The following XIRP2 variants were observed in gnomAD, a reference collection of about 807,000 sequenced individuals.
XIRP2 encodes the protein xin actin-binding repeat-containing protein 2.
A neutral mutation model predicts 277.0 loss-of-function variants in XIRP2; 236 were observed. The ratio of observed to expected loss-of-function variants is 0.85; its 90% confidence interval spans 0.77 to 0.95. The LOEUF (loss-of-function observed/expected upper bound fraction) is 0.95. XIRP2 is among the 40% of genes least tolerant of loss of function. XIRP2 has a pLI of 0.00. For synonymous variants in XIRP2, 1,490 were observed against 1,416.5 expected (o/e 1.05, Z -1.17); for missense variants, 4,640 against 4,157.5 (o/e 1.12, Z -3.19).
At chr2:167,020,094 C>T (rs1194807583) in intron 2 of XIRP2, among the ~76,000 whole-genome samples, 1 of 151,948 alleles carries the variant, frequency 6.6e-6, no homozygotes, top group South Asian at 2.1e-4. Flanking sequence ...TTGTTTCAAT[C>T]TAAATTAGAA....
chr2:166,962,963 A>C (rs538547834), intron 2 of XIRP2, among the ~76,000 whole-genome samples: 1 of 151,780 alleles, frequency 6.6e-6, no homozygotes, highest in Admixed American at 6.6e-5. Flanking sequence ...TGGGATGACT[A>C]TGGTTAACAA....
intron 3 of XIRP2, among the ~76,000 whole-genome samples, chr2:167,163,923 G>T (rs1176163078): frequency 1.3e-5 from 2 of 152,146 alleles, no homozygotes; most frequent in Non-Finnish European, 2.9e-5. Flanking sequence ...TTAAAGAATT[G>T]CTTTGGTGCT....
intron 2 of XIRP2, among the ~76,000 whole-genome samples, chr2:167,106,571 A>G (rs1690625149): frequency 6.6e-6 from 1 of 151,734 alleles, no homozygotes; most frequent in African/African-American, 2.4e-5. Context: ...TGCAGTCTTG[A>G]TTACTATAGC....
intron 2 of XIRP2, among the ~76,000 whole-genome samples, chr2:167,037,513 T>TG (rs201439550): frequency 1.9e-3 from 257 of 136,690 alleles, no homozygotes; most frequent in Middle Eastern, 7.5e-3. Context: ...TTTTTTCATG[T>TG]GGGGGGTGTG....
At chr2:166,931,720 T>C (rs953139220) in intron 2 of XIRP2, among the ~76,000 whole-genome samples, 9 of 152,204 alleles carry the variant, frequency 5.9e-5, no homozygotes, top group African/African-American at 2.2e-4. Flanking sequence ...ATTCAATTTT[T>C]GAATAAAACT....
chr2:167,242,801 C>T lies in XIRP2; in HGVS notation c.1409C>T (p.Ser470Phe), dbSNP rs149229922. The T allele has an allele frequency of 6.2e-7, 1 of 1,614,052 alleles. No homozygotes were observed. The highest frequency in any genetic ancestry group is 2.2e-5 in the East Asian group (1 of 44,874). The change falls in exon 9 of 11, where the codon TCC (serine) becomes TTC (phenylalanine). Residue 470 changes from serine to phenylalanine, a missense_variant. Transcript: ENST00000409195. ...ACTTCAGTAGATGTGACAGCATTTT[C>T]CCAGTCCCCTGAACTGCCCAGTCCT... ...LQTSVDVTAF[S>F]QSPELPSPPR...
intron 2 of XIRP2, among the ~76,000 whole-genome samples, chr2:167,085,429 G>C (rs1689904991): frequency 6.6e-6 from 1 of 150,898 alleles, no homozygotes; most frequent in South Asian, 2.1e-4. Context: ...GTTGATTTGG[G>C]GTGGAGAGTT....
At chr2:166,909,027 G>A (rs1471099817) in intron 2 of XIRP2, among the ~76,000 whole-genome samples, 4 of 152,134 alleles carry the variant, frequency 2.6e-5, no homozygotes, top group African/African-American at 9.7e-5. Context: ...TAGTCTTGTA[G>A]TATAGTTTGA....
chr2:167,167,303 A>T (rs1444150549), intron 3 of XIRP2, among the ~76,000 whole-genome samples: 1 of 152,086 alleles, frequency 6.6e-6, no homozygotes, highest in Non-Finnish European at 1.5e-5. Context: ...TCTGTATTTA[A>T]TTGGTATATT....
At chr2:167,026,147 G>T (rs1688150807) in intron 2 of XIRP2, among the ~76,000 whole-genome samples, 1 of 152,034 alleles carries the variant, frequency 6.6e-6, no homozygotes, top group South Asian at 2.1e-4. Context: ...TCCTGTATTG[G>T]GTGCATATAT....
chr2:167,139,518 A>G (rs1691650707), intron 3 of XIRP2, among the ~76,000 whole-genome samples: 1 of 152,166 alleles, frequency 6.6e-6, no homozygotes, highest in East Asian at 1.9e-4. Context: ...CATTAAAACT[A>G]AATTCATTCT....
chr2:167,094,721 C>A (rs1446869863), intron 2 of XIRP2, among the ~76,000 whole-genome samples: 5 of 152,084 alleles, frequency 3.3e-5, no homozygotes, highest in Non-Finnish European at 5.9e-5. Context: ...TTACTGTGGC[C>A]TTGTAGTATA....
chr2:166,975,502 G>T (rs1489849684), intron 2 of XIRP2, among the ~76,000 whole-genome samples: 1 of 151,910 alleles, frequency 6.6e-6, no homozygotes, highest in Non-Finnish European at 1.5e-5. Context: ...GAAAAGAAAA[G>T]AAAAGAAATT....
At chr2:167,137,789 T>C (rs1207954487) in intron 3 of XIRP2, among the ~76,000 whole-genome samples, 3 of 152,150 alleles carry the variant, frequency 2.0e-5, no homozygotes, top group Admixed American at 1.3e-4. Flanking sequence ...TGGATGAACA[T>C]AGCAGCAATT....
Position 167,239,972 on chromosome 2 carries a change from A to G in XIRP2, c.969+7A>G. On this transcript the variant is annotated splice_region_variant and intron_variant, in intron 6 of 10. Coordinates refer to ENST00000409195, the MANE Select transcript of XIRP2 (RefSeq NM_152381.6). ...TGTTCATGGAACAGAAATGGTAACT[A>G]TTTAGAAAGGCAGTACTTTCAAACA... 6.3e-7 allele frequency: 1 copy of G among 1,585,560 alleles called. No individual in the cohort carries two copies. The highest frequency in any genetic ancestry group is 8.5e-7 in the Non-Finnish European group (1 of 1,171,224).
intron 2 of XIRP2, among the ~76,000 whole-genome samples, chr2:167,042,907 A>G (rs1467442007): frequency 4.0e-5 from 6 of 151,870 alleles, no homozygotes; most frequent in Non-Finnish European, 8.8e-5. Flanking sequence ...CAGAATATAC[A>G]TTCTTCACTG....
intron 2 of XIRP2, among the ~76,000 whole-genome samples, chr2:166,914,890 A>G (rs1277667048): frequency 6.6e-6 from 1 of 152,194 alleles, no homozygotes; most frequent in Non-Finnish European, 1.5e-5. Context: ...AAGAAACTTC[A>G]GTAAATCATA....
chr2:167,088,934 G>C (rs912086992), intron 2 of XIRP2, among the ~76,000 whole-genome samples: 21 of 152,076 alleles, frequency 1.4e-4, no homozygotes, highest in African/African-American at 5.1e-4. Context: ...TTCCCTACTA[G>C]AATGTAACCT....
At chr2:166,939,615 G>A (rs1685631650) in intron 2 of XIRP2, among the ~76,000 whole-genome samples, 1 of 139,194 alleles carries the variant, frequency 7.2e-6, no homozygotes, top group African/African-American at 2.8e-5. Flanking sequence ...AGGAGGTGGA[G>A]CTTTCAGTGA....
Sources: gnomAD v4.1 joint callset for allele counts (sites outside exome capture counted in the v4.1 genomes callset) on GRCh38, gnomAD v4.1.1 for gene constraint, MANE v1.5 for transcripts, NCBI Gene and HGNC (gene_info 2026-07-23, HGNC 2026-07-21) for gene names.